The following EPB41L2 variants were observed in gnomAD, a reference collection of about 807,000 sequenced individuals.
EPB41L2 encodes the protein erythrocyte membrane protein band 4.1 like 2.
Under a neutral mutation model 113.0 loss-of-function variants are expected in EPB41L2, and 43 were observed. The ratio of observed to expected loss-of-function variants is 0.38; its 90% CI spans 0.30 to 0.49. EPB41L2 has a LOEUF of 0.49. Among genes scored for constraint, EPB41L2 ranks in the 20% least tolerant of loss-of-function variants. The pLI, the probability that EPB41L2 is intolerant of heterozygous loss-of-function variation, is 0.95. For missense variants in EPB41L2, 1,147 were observed against 1,223.4 expected (o/e 0.94, Z 0.93); for synonymous variants, 442 against 436.7 (o/e 1.01, Z -0.15).
At chr6:130,954,125 T>TCAC (rs1816527594) in intron 3 of EPB41L2, among the ~76,000 whole-genome samples, 1 of 131,044 alleles carries the variant, frequency 7.6e-6, no homozygotes, top group African/African-American at 2.9e-5. Flanking sequence ...CAATCTCAGC[T>TCAC]CACCACAAGC....
At chr6:131,061,524 T>C (rs1045642910) in intron 1 of EPB41L2, among the ~76,000 whole-genome samples, 1 of 152,198 alleles carries the variant, frequency 6.6e-6, no homozygotes, top group African/African-American at 2.4e-5. Context: ...AATTCAAGAT[T>C]GCATTGCAAT....
At chr6:130,880,025 C>T (rs908149165) in intron 13 of EPB41L2, 119 bp downstream of exon 13, 27 of 684,986 alleles carry the variant, frequency 3.9e-5, no homozygotes, top group Non-Finnish European at 5.8e-5. Flanking sequence ...GAGCTGAATT[C>T]CCCCATGCAC....
chr6:131,059,461 T>A (rs576374246), intron 1 of EPB41L2, among the ~76,000 whole-genome samples: 1 of 152,352 alleles, frequency 6.6e-6, no homozygotes, highest in South Asian at 2.1e-4. Context: ...CATTTCCCTA[T>A]AGTTAATGAC....
intron 11 of EPB41L2, among the ~76,000 whole-genome samples, chr6:130,889,698 G>A (rs1792151219): frequency 6.6e-6 from 1 of 152,066 alleles, no homozygotes; most frequent in African/African-American, 2.4e-5. Context: ...ATTACATTTT[G>A]CCATTAATTA....
chr6:130,995,759 G>A (rs1023571347), intron 1 of EPB41L2, among the ~76,000 whole-genome samples: 2 of 152,114 alleles, frequency 1.3e-5, no homozygotes, highest in African/African-American at 2.4e-5. Context: ...GTCATGATCT[G>A]CCTGATCCTT....
At chr6:131,008,956 G>A (rs538636709) in intron 1 of EPB41L2, among the ~76,000 whole-genome samples, 3 of 152,240 alleles carry the variant, frequency 2.0e-5, no homozygotes, top group Admixed American at 2.0e-4. Context: ...ATAAGACTTT[G>A]GACTTGGACT....
intron 3 of EPB41L2, among the ~76,000 whole-genome samples, chr6:130,932,726 G>T (rs1807335851): frequency 6.6e-6 from 1 of 152,162 alleles, no homozygotes; most frequent in African/African-American, 2.4e-5. Flanking sequence ...CAGATACTGA[G>T]TTCTTTAAGA....
intron 1 of EPB41L2, among the ~76,000 whole-genome samples, chr6:130,993,489 G>C (rs1362245457): frequency 1.8e-4 from 28 of 152,336 alleles, no homozygotes; most frequent in South Asian, 1.0e-3. Flanking sequence ...CTGGGTGCAG[G>C]TGGGCTGAGG....
intron 14 of EPB41L2, among the ~76,000 whole-genome samples, chr6:130,877,556 C>A (rs142131261): frequency 6.6e-6 from 1 of 152,038 alleles, no homozygotes; most frequent in African/African-American, 2.4e-5. Context: ...ATTGAAAAAA[C>A]GTTTTTAAAA....
At chr6:130,853,726 C>T (rs1460251440) in intron 19 of EPB41L2, among the ~76,000 whole-genome samples, 2 of 152,144 alleles carry the variant, frequency 1.3e-5, no homozygotes, top group Non-Finnish European at 2.9e-5. Flanking sequence ...TGATCAAAAG[C>T]TCAGAGCTAC....
intron 1 of EPB41L2, among the ~76,000 whole-genome samples, chr6:131,010,652 A>T (rs1786719027): frequency 6.6e-6 from 1 of 152,024 alleles, no homozygotes; most frequent in Non-Finnish European, 1.5e-5. Flanking sequence ...ACCTCAAGTG[A>T]TCCTCCCACC....
At chr6:130,974,786 C>T (rs1002075838) in intron 1 of EPB41L2, among the ~76,000 whole-genome samples, 21 of 121,034 alleles carry the variant, frequency 1.7e-4, no homozygotes, top group African/African-American at 6.1e-4. Context: ...AGTACAGTGG[C>T]GCGATCTCAG....
chr6:130,966,456 T>A (rs535676962), intron 1 of EPB41L2, among the ~76,000 whole-genome samples: 1 of 152,124 alleles, frequency 6.6e-6, no homozygotes, highest in Non-Finnish European at 1.5e-5. Flanking sequence ...ATCTTATAGG[T>A]TGAAAGCAAA....
intron 3 of EPB41L2, among the ~76,000 whole-genome samples, chr6:130,929,898 T>TACACAC (rs1433452780): frequency 9.3e-6 from 1 of 107,148 alleles, no homozygotes; most frequent in Non-Finnish European, 1.9e-5. Flanking sequence ...CACACACACA[T>TACACAC]ACACGCACAG....
chr6:131,000,916 A>C (rs908331296), intron 1 of EPB41L2: 2 of 152,220 alleles, frequency 1.3e-5, no homozygotes, highest in Non-Finnish European at 2.9e-5. Context: ...TTCCCAAATT[A>C]TTTCACTTCT....
At chr6:130,895,479 C>T (rs557097243) in intron 8 of EPB41L2, among the ~76,000 whole-genome samples, 24 of 152,250 alleles carry the variant, frequency 1.6e-4, no homozygotes, top group African/African-American at 5.3e-4. Context: ...GAGCTTTTCC[C>T]GTAGGCTAGT....
At chr6:131,055,266 G>A (rs1797381276) in intron 1 of EPB41L2, among the ~76,000 whole-genome samples, 1 of 152,134 alleles carries the variant, frequency 6.6e-6, no homozygotes, top group African/African-American at 2.4e-5. Context: ...AAAGCAAAAA[G>A]TGCAAAACCA....
intron 13 of EPB41L2, among the ~76,000 whole-genome samples, chr6:130,879,726 A>G (rs908096633): frequency 6.6e-6 from 1 of 152,212 alleles, no homozygotes; most frequent in African/African-American, 2.4e-5. Context: ...AAGTGGGCAC[A>G]GATCAAGATC....
At chr6:130,954,046 T>C (rs1473203509) in intron 3 of EPB41L2, among the ~76,000 whole-genome samples, 5,867 of 57,598 alleles carry the variant, frequency 0.1, 403 homozygotes, top group African/African-American at 0.16. Flanking sequence ...CTTTCTTTTT[T>C]TTTTTTTTTT....
Sources: gnomAD v4.1 joint callset for allele counts (sites outside exome capture counted in the v4.1 genomes callset) on GRCh38, gnomAD v4.1.1 for gene constraint, MANE v1.5 for transcripts, NCBI Gene and HGNC (gene_info 2026-07-23, HGNC 2026-07-21) for gene names.